The following SMURF1 variants were observed in gnomAD, a reference collection of about 807,000 sequenced individuals.
SMURF1 encodes the protein SMAD specific E3 ubiquitin protein ligase 1.
SMURF1 carries 44 observed loss-of-function variants against 98.0 expected under a neutral mutation model. The observed-to-expected ratio is 0.45, with a 90% CI of 0.35 to 0.58. The LOEUF (loss-of-function observed/expected upper bound fraction) is 0.58. SMURF1 is among the 20% of genes least tolerant of loss of function. The pLI is 0.00. For missense variants in SMURF1, 687 were observed against 938.4 expected, an observed-to-expected ratio of 0.73 and a Z score of 3.50; for synonymous variants, 396 against 374.9, an observed-to-expected ratio of 1.06 and a Z score of -0.65.
intron 1 of SMURF1, among the ~76,000 whole-genome samples, chr7:99,123,710 G>A (rs1272140451): frequency 6.6e-6 from 1 of 152,094 alleles, no homozygotes; most frequent in African/African-American, 2.4e-5. Flanking sequence ...GAGAACGTTG[G>A]CTAAACATGA....
At chr7:99,143,219 A>C in intron 1 of SMURF1, among the ~76,000 whole-genome samples, 2 of 115,402 alleles carry the variant, frequency 1.7e-5, no homozygotes, top group South Asian at 3.4e-4. Flanking sequence ...AAGGTGGGGA[A>C]GAGAAAGGAC....
At chr7:99,045,981 C>A (rs1023417529) in intron 10 of SMURF1, among the ~76,000 whole-genome samples, 180 bp from the exon 11 acceptor site, 3 of 151,906 alleles carry the variant, frequency 2.0e-5, no homozygotes, top group African/African-American at 7.3e-5. Flanking sequence ...TTCTCAGTTT[C>A]TCCCTCTGAG....
At chr7:99,068,072 T>G (rs1329320373) in intron 1 of SMURF1, among the ~76,000 whole-genome samples, 2 of 152,244 alleles carry the variant, frequency 1.3e-5, no homozygotes, top group African/African-American at 4.8e-5. Context: ...CTAATATTTC[T>G]CTAGCCTGTG....
intron 1 of SMURF1, among the ~76,000 whole-genome samples, chr7:99,099,754 C>T (rs1361289232): frequency 6.6e-6 from 1 of 152,184 alleles, no homozygotes; most frequent in Non-Finnish European, 1.5e-5. Flanking sequence ...TCAGAAGAGT[C>T]TGGCTTCCTT....
chr7:99,089,560 G>T (rs187626438), intron 1 of SMURF1, among the ~76,000 whole-genome samples: 2 of 152,094 alleles, frequency 1.3e-5, no homozygotes, highest in Non-Finnish European at 2.9e-5. Context: ...AGAATCACTT[G>T]AGCCCAGGAG....
At position 99,037,140 on chromosome 7, in the gene SMURF1, A is replaced by G; in HGVS notation, c.1736T>C (p.Leu579Ser). The G allele has an allele frequency of 6.2e-7, 1 of 1,614,204 alleles. No individual in the cohort carries two copies. Among genetic ancestry groups the G allele is most frequent in the Non-Finnish European group, 8.5e-7 (1 of 1,180,042 alleles). ...CTCATTGAACCCCTTCTGCAGAGCT[A>G]AGAACTGGGCTTCGATTCCTCTCAT... ...RFMRGIEAQF[L>S]ALQKGFNELI... Residue 579 changes from leucine to serine, a missense_variant, in exon 15 of 18, where the codon TTA (leucine) becomes TCA (serine). Coordinates refer to ENST00000361368, the MANE Select transcript of SMURF1 (RefSeq NM_181349.3).
intron 9 of SMURF1, 112 bp from the exon 10 acceptor site, chr7:99,047,994 G>A: frequency 2.0e-6 from 2 of 1,008,954 alleles, no homozygotes; most frequent in Non-Finnish European, 3.0e-6. Context: ...CAACTTCAGG[G>A]AGAATTTGTT....
Position 99,143,940 on chromosome 7 carries a change from C to A in SMURF1, c.-160G>T. The A allele has an allele frequency of 2.0e-6, 1 of 507,348 alleles. No homozygotes were observed. The highest frequency in any genetic ancestry group is 3.2e-6 in the Non-Finnish European group (1 of 314,876). The allele number at this position is 507,348 out of a possible 1,614,324, so 31.4% of individuals were successfully genotyped here. A position where few individuals can be genotyped will look rare whatever the true frequency, so the allele number is the denominator to read the frequency against. Reference sequence around the variant, plus strand: ...GCGGCCCAGGCGTCCGGGCGGCAGGCGGATGGTCGAGCCGGGAGATCGGCG... The same window carrying A: ...GCGGCCCAGGCGTCCGGGCGGCAGGAGGATGGTCGAGCCGGGAGATCGGCG... On this transcript the variant is annotated 5_prime_UTR_variant, in exon 1 of 18. Transcript: ENST00000361368.
At chr7:99,089,926 A>G (rs1425495421) in intron 1 of SMURF1, among the ~76,000 whole-genome samples, 1 of 152,166 alleles carries the variant, frequency 6.6e-6, no homozygotes, top group East Asian at 1.9e-4. Flanking sequence ...GGAGAGAAGG[A>G]AGGGGTTATT....
intron 17 of SMURF1, 21 bp from the exon 18 acceptor site, chr7:99,030,704 G>T: frequency 6.2e-7 from 1 of 1,607,818 alleles, no homozygotes; most frequent in Non-Finnish European, 8.5e-7. Context: ...ACAAAAGAGA[G>T]TCACCGTGTG....
chr7:99,131,507 A>C (rs909388056), intron 1 of SMURF1, among the ~76,000 whole-genome samples: 1 of 151,850 alleles, frequency 6.6e-6, no homozygotes, highest in African/African-American at 2.4e-5. Flanking sequence ...ACTTTGGGAG[A>C]CCAAGATGGG....
chr7:99,063,279 A>T (rs867523705), intron 1 of SMURF1, among the ~76,000 whole-genome samples: 525 of 19,304 alleles, frequency 0.027, 43 homozygotes, highest in Non-Finnish European at 0.056. Context: ...ATATATATAT[A>T]TATATATATA....
chr7:99,040,419 T>G lies in SMURF1; in HGVS notation c.1509A>C (p.Glu503Asp), dbSNP rs1339045102. 1.9e-6 allele frequency: 3 copies of G among 1,585,456 alleles called. No individual in the cohort carries two copies. The African/African-American group carries it at 4.1e-5, about 21-fold the overall frequency. Residue 503 changes from glutamate to aspartate, a missense_variant, in exon 13 of 18, where the codon GAA becomes GAC. Physicochemically the swap from Glu to Asp is conservative, Grantham distance 45. Transcript: ENST00000361368. ...TCTTATGCAGCTCTGGGTCCACAGA[T>G]TCCAGATCTGAGAGCTGGATGGGCT... is the stretch of plus-strand genomic sequence containing the variant. The part of the protein sequence containing the change: ...LGKPIQLSDL[E>D]SVDPELHKSL...
rs1794742534 is a variant in SMURF1, at chr7:99,027,760, T to C, written c.*2824A>G. On this transcript the variant is annotated 3_prime_UTR_variant, in exon 18 of 18. Coordinates refer to ENST00000361368, the MANE Select transcript of SMURF1 (RefSeq NM_181349.3). Reference sequence around the variant, plus strand: ...AAACACATTTTTAAAATCCATACTATGTTTCGGGAAGGCTGCCGTGTGGCA... The same window carrying C: ...AAACACATTTTTAAAATCCATACTACGTTTCGGGAAGGCTGCCGTGTGGCA... The C allele has an allele frequency of 6.6e-6, 1 of 152,448 alleles. No individual in the cohort carries two copies. The highest frequency in any genetic ancestry group is 1.5e-5 in the Non-Finnish European group (1 of 68,020). The allele number at this position is 152,448 out of a possible 1,614,324, so 9.4% of individuals were successfully genotyped here. A position where few individuals can be genotyped will look rare whatever the true frequency, so the allele number is the denominator to read the frequency against.
intron 1 of SMURF1, among the ~76,000 whole-genome samples, chr7:99,118,345 T>G (rs1771796196): frequency 1.3e-5 from 2 of 152,140 alleles, no homozygotes; most frequent in South Asian, 4.1e-4. Flanking sequence ...CACAAAAACT[T>G]GCCCACAAAT....
intron 1 of SMURF1, 43 bp from the exon 2 acceptor site, chr7:99,061,880 G>A (rs374709233): frequency 3.9e-5 from 56 of 1,427,044 alleles, no homozygotes; most frequent in Non-Finnish European, 5.3e-5. Context: ...TTAAAGACGA[G>A]ATTTCCATAA....
intron 1 of SMURF1, among the ~76,000 whole-genome samples, chr7:99,122,706 A>G (rs1290850294): frequency 1.2e-4 from 18 of 149,058 alleles, no homozygotes; most frequent in Non-Finnish European, 2.5e-4. Context: ...ACTCCATAGC[A>G]CTGACATCAA....
chr7:99,030,502 C>T lies in SMURF1; in HGVS notation c.*82G>A, dbSNP rs1794834784. 2 of 1,169,578 alleles carry T rather than the reference C, an allele frequency of 1.7e-6. No homozygotes were observed. Among genetic ancestry groups the T allele is most frequent in the Admixed American group, 1.8e-5 (1 of 56,394 alleles). 72.5% of individuals were successfully genotyped at this position (1,169,578 alleles called of 1,614,324 possible). On this transcript the variant is annotated 3_prime_UTR_variant, in exon 18 of 18. Coordinates refer to ENST00000361368, the MANE Select transcript of SMURF1 (RefSeq NM_181349.3). ...GTGATCTGGAATTCCAGGGCCTCTG[C>T]CAGCTTTGCAGGAGGTGCACAGAAG...
intron 1 of SMURF1, among the ~76,000 whole-genome samples, chr7:99,112,820 T>C (rs1797352490): frequency 6.6e-6 from 1 of 151,878 alleles, no homozygotes; most frequent in Non-Finnish European, 1.5e-5. Flanking sequence ...TGACAAAAAT[T>C]ATAAAAAAGC....
Sources: allele counts gnomAD v4.1 joint callset (sites outside exome capture counted in the v4.1 genomes callset), GRCh38; gene constraint gnomAD v4.1.1; transcripts MANE v1.5; gene names NCBI Gene and HGNC (gene_info 2026-07-23, HGNC 2026-07-21).